Variants in GRM7 observed in about 807,000 individuals in gnomAD.
The protein encoded by GRM7 is glutamate metabotropic receptor 7, also known as metabotropic glutamate receptor 7.
GRM7 carries 35 observed loss-of-function variants against 84.5 expected under a neutral mutation model. The ratio of observed to expected loss-of-function variants is 0.41; its 90% CI spans 0.32 to 0.55. The LOEUF is 0.55. GRM7 is among the 20% of genes least tolerant of loss of function. The pLI is 0.19. For missense variants in GRM7, 1,003 were observed against 1,194.6 expected (o/e 0.84, Z 2.36); for synonymous variants, 487 against 455.1 (o/e 1.07, Z -0.89).
At chr3:7,653,173 CTAT>C (rs1404786837) in intron 8 of GRM7, among the ~76,000 whole-genome samples, 1 of 129,782 alleles carries the variant, frequency 7.7e-6, no homozygotes, top group African/African-American at 3.1e-5. Context: ...TTGTAACATA[CTAT>C]ATCCTTTTTT....
At chr3:7,046,956 A>G (rs1175934969) in intron 1 of GRM7, among the ~76,000 whole-genome samples, 1 of 152,090 alleles carries the variant, frequency 6.6e-6, no homozygotes, top group Non-Finnish European at 1.5e-5. Flanking sequence ...AATGAAGGAT[A>G]AGAAAATAAA....
intron 4 of GRM7, among the ~76,000 whole-genome samples, chr3:7,309,264 G>A (rs1245742833): frequency 2.6e-5 from 4 of 152,308 alleles, no homozygotes; most frequent in South Asian, 4.1e-4. Flanking sequence ...AAGAAGAAAT[G>A]CATTCAGTTA....
At chr3:6,986,638 C>G (rs1342933647) in intron 1 of GRM7, among the ~76,000 whole-genome samples, 1 of 152,160 alleles carries the variant, frequency 6.6e-6, no homozygotes, top group African/African-American at 2.4e-5. Context: ...CCTTCTAGCT[C>G]TCTGTATGGA....
In GRM7 at chr3:6,862,685, A is replaced by AAG. The variant is rs1186766457; in HGVS notation, c.519+778_519+779insAG. ...CAGACCTCAGCCCAGGGATGAGCTC[A>AAG]CGCGAAACGAAATCGCTCTCCCTGC... On this transcript the variant is annotated intron_variant, in intron 1 of 9. Coordinates refer to ENST00000357716, the MANE Select transcript of GRM7 (RefSeq NM_000844.4). The surrounding 1 kb of genome is among the most constrained non-coding windows in gnomAD (Gnocchi z 5.2). 224 of 87,188 alleles carry AAG rather than the reference A, an allele frequency of 2.6e-3. 3 individuals are homozygous for AAG. The highest frequency in any genetic ancestry group is 1.8e-3 in the Non-Finnish European group (86 of 47,568). 5.4% of individuals were successfully genotyped at this position (87,188 alleles called of 1,614,324 possible).
chr3:7,116,045 A>G (rs1191571517), intron 1 of GRM7, among the ~76,000 whole-genome samples: 1 of 152,148 alleles, frequency 6.6e-6, no homozygotes, highest in Non-Finnish European at 1.5e-5. Context: ...CAAACTTTAC[A>G]GGGAAGATGC....
intron 1 of GRM7, among the ~76,000 whole-genome samples, chr3:6,908,050 TA>T (rs1342237810): frequency 1.3e-5 from 2 of 152,022 alleles, no homozygotes; most frequent in East Asian, 3.9e-4. Context: ...ATAACAAAAC[TA>T]AAAAAATAGC....
intron 4 of GRM7, among the ~76,000 whole-genome samples, chr3:7,352,922 G>A (rs1443815460): frequency 1.3e-5 from 2 of 152,112 alleles, no homozygotes; most frequent in African/African-American, 2.4e-5. Flanking sequence ...CACGTTAACA[G>A]TAGACACCCT....
intron 2 of GRM7, among the ~76,000 whole-genome samples, chr3:7,162,910 C>T (rs2125080700): frequency 6.6e-6 from 1 of 151,568 alleles, no homozygotes; most frequent in South Asian, 2.1e-4. Flanking sequence ...CGGGAGTGCA[C>T]CACAGTACCA....
intron 2 of GRM7, among the ~76,000 whole-genome samples, chr3:7,174,379 A>C (rs1695078248): frequency 6.6e-6 from 1 of 152,228 alleles, no homozygotes; most frequent in African/African-American, 2.4e-5. Flanking sequence ...GTGATTTAGA[A>C]TTATTTGACA....
chr3:7,561,107 T>C (rs1440889349), intron 7 of GRM7, among the ~76,000 whole-genome samples: 1 of 152,148 alleles, frequency 6.6e-6, no homozygotes, highest in African/African-American at 2.4e-5. Context: ...TGAAACTACT[T>C]ACAGACCTTC....
intron 1 of GRM7, among the ~76,000 whole-genome samples, chr3:6,925,449 T>C (rs1049910390): frequency 4.6e-5 from 7 of 152,154 alleles, no homozygotes; most frequent in African/African-American, 1.7e-4. Context: ...ATCGAATCAA[T>C]CAATCAATTT....
In GRM7 at chr3:6,865,695, T is replaced by G. The variant is rs1694915312; in HGVS notation, c.519+3788T>G. Among the ~76,000 whole-genome samples, 3 of 152,194 alleles carry G rather than the reference T, an allele frequency of 2.0e-5. No individual in the cohort carries two copies. In the South Asian group the frequency reaches 6.2e-4, roughly 32 times the overall value. ...TGTGTCAATGTTTTCCTTCTGTTAA[T>G]TGAAACTTGAATGTAATATCAAACT... On this transcript the variant is annotated intron_variant, in intron 1 of 9. Coordinates refer to ENST00000357716, the MANE Select transcript of GRM7 (RefSeq NM_000844.4).
At chr3:7,523,130 C>A (rs571060002) in intron 7 of GRM7, among the ~76,000 whole-genome samples, 10 of 152,072 alleles carry the variant, frequency 6.6e-5, no homozygotes, top group Non-Finnish European at 1.5e-4. Flanking sequence ...TTACAGCAGG[C>A]GGAGCTAACA....
chr3:7,114,122 A>T (rs1398976379), intron 1 of GRM7, among the ~76,000 whole-genome samples: 1 of 152,190 alleles, frequency 6.6e-6, no homozygotes, highest in Non-Finnish European at 1.5e-5. Context: ...TAATGGAGAT[A>T]AAGCTTAACA....
chr3:7,550,663 C>A (rs2125025508), intron 7 of GRM7, among the ~76,000 whole-genome samples: 1 of 147,658 alleles, frequency 6.8e-6, no homozygotes, highest in Non-Finnish European at 1.5e-5. Context: ...CTCACATGAG[C>A]CAACTGGGCT....
chr3:6,917,261 A>G (rs538394848), intron 1 of GRM7, among the ~76,000 whole-genome samples: 79 of 152,266 alleles, frequency 5.2e-4, no homozygotes, highest in Non-Finnish European at 8.8e-4. Context: ...TCAGTTTGCT[A>G]AATTAGATAT....
chr3:7,561,564 C>T lies in GRM7; in HGVS notation c.1516-16858C>T, dbSNP rs1361693285. The T allele has an allele frequency of 8.8e-6, 4 of 456,382 alleles. No homozygotes were observed. The East Asian group carries it at 2.8e-4, about 32-fold the overall frequency. 28.3% of individuals were successfully genotyped at this position (456,382 alleles called of 1,614,324 possible). A position where few individuals can be genotyped will look rare whatever the true frequency, so the allele number is the denominator to read the frequency against. ...AAGTCCTTCCAGGACATCGTAGTAC[C>T]CTTAGTAGTGTAAGCATATTTTTGT... On this transcript the variant is annotated intron_variant, in intron 7 of 9. Transcript: ENST00000357716.
rs561839820 is a variant in GRM7 at position 7,593,319 on chromosome 3, A to T, written c.2451+13962A>T. On this transcript the variant is annotated intron_variant, in intron 8 of 9. Coordinates refer to ENST00000357716, the MANE Select transcript of GRM7 (RefSeq NM_000844.4). The stretch of plus-strand genomic sequence containing the variant: ...GTTTTGGCACTTTCCAGTTTCAAAC[A>T]TTTATTGATTCATCCCACTAATGTC... 2.0e-5 allele frequency among the ~76,000 whole-genome samples: 3 copies of T among 152,254 alleles called. No homozygotes were observed. In the South Asian group the frequency reaches 6.2e-4, roughly 32 times the overall value.
chr3:7,227,344 A>C (rs1240468031), intron 2 of GRM7, among the ~76,000 whole-genome samples: 1 of 152,216 alleles, frequency 6.6e-6, no homozygotes, highest in African/African-American at 2.4e-5. Flanking sequence ...TGTTTATTAG[A>C]GGTCTAGCAG....
Sources: allele counts gnomAD v4.1 joint callset (sites outside exome capture counted in the v4.1 genomes callset), GRCh38; gene constraint gnomAD v4.1.1; non-coding constraint Gnocchi (gnomAD v3.1); transcripts MANE v1.5; gene names NCBI Gene and HGNC (gene_info 2026-07-23, HGNC 2026-07-21).